Variants in MAP2K5 observed in about 807,000 individuals in gnomAD.
MAP2K5 encodes the protein dual specificity mitogen-activated protein kinase kinase 5.
A neutral mutation model predicts 83.1 loss-of-function variants in MAP2K5; 49 were observed. That is an observed-to-expected ratio of 0.59 (90% CI 0.47 to 0.75). The LOEUF (loss-of-function observed/expected upper bound fraction) is 0.75. Among genes scored for constraint, MAP2K5 ranks in the 30% least tolerant of loss-of-function variants. The pLI is 0.00. For synonymous variants in MAP2K5, 202 were observed against 191.8 expected (o/e 1.05, Z -0.44); for missense variants, 457 against 557.5 (o/e 0.82, Z 1.82).
chr15:67,590,969 T>A (rs1171345806), intron 6 of MAP2K5, among the ~76,000 whole-genome samples: 1 of 151,940 alleles, frequency 6.6e-6, no homozygotes, highest in African/African-American at 2.4e-5. Flanking sequence ...CTCTCCCCTG[T>A]TGGGGGAGGG....
At chr15:67,598,864 C>G (rs1291191380) in intron 7 of MAP2K5, among the ~76,000 whole-genome samples, 4 of 152,136 alleles carry the variant, frequency 2.6e-5, no homozygotes, top group Non-Finnish European at 5.9e-5. Context: ...TGAAATGTCT[C>G]TCGTAGAAAT....
intron 16 of MAP2K5, among the ~76,000 whole-genome samples, chr15:67,710,325 G>A (rs888193409): frequency 4.6e-5 from 7 of 152,156 alleles, no homozygotes; most frequent in East Asian, 1.9e-4. Context: ...TCTAGTCCTC[G>A]GAGACCCCTC....
intron 17 of MAP2K5, among the ~76,000 whole-genome samples, chr15:67,734,077 G>A (rs1596877375): frequency 1.3e-5 from 2 of 152,222 alleles, no homozygotes; most frequent in East Asian, 3.8e-4. Context: ...TTGCTGTGCT[G>A]TGACTGCTGC....
intron 2 of MAP2K5, among the ~76,000 whole-genome samples, chr15:67,557,022 A>G (rs1437516873): frequency 6.6e-6 from 1 of 152,256 alleles, no homozygotes; most frequent in Admixed American, 6.5e-5. Flanking sequence ...TTCCATAACC[A>G]TAAAAAATCC....
rs530400717 is a variant in MAP2K5, at chr15:67,785,433, C to T, written c.1242+12681C>T. 4.6e-5 allele frequency among the ~76,000 whole-genome samples: 7 copies of T among 152,336 alleles called. No homozygotes were observed. The highest frequency in any genetic ancestry group is 1.7e-4 in the African/African-American group (7 of 41,580). ...TTGCAGGCCAGCAGCAAGCAGTTCA[C>T]AGGACGACTACTTGAGTGGCACAGC... On this transcript the variant is annotated intron_variant, in intron 21 of 21. Coordinates refer to ENST00000178640, the MANE Select transcript of MAP2K5 (RefSeq NM_145160.3). The surrounding 1 kb of genome is among the most constrained non-coding windows in gnomAD (Gnocchi z 4.4).
At chr15:67,771,800 A>T (rs542569611) in intron 20 of MAP2K5, among the ~76,000 whole-genome samples, 2 of 152,358 alleles carry the variant, frequency 1.3e-5, no homozygotes, top group South Asian at 4.1e-4. Context: ...TTATAAGAAG[A>T]GTTTTCTTCT....
At chr15:67,680,287 A>C (rs182545187) in intron 13 of MAP2K5, among the ~76,000 whole-genome samples, 1 of 152,326 alleles carries the variant, frequency 6.6e-6, no homozygotes, top group Non-Finnish European at 1.5e-5. Flanking sequence ...CTTTTCATAC[A>C]CAAGTCTTTA....
At chr15:67,583,148 A>C (rs956621320) in intron 4 of MAP2K5, among the ~76,000 whole-genome samples, 3 of 152,226 alleles carry the variant, frequency 2.0e-5, no homozygotes, top group Non-Finnish European at 2.9e-5. Context: ...AGAGAGGTTA[A>C]GTAACTTCAG....
In MAP2K5 at chr15:67,669,945, T is replaced by C. The variant is rs1044883543; in HGVS notation, c.847+5300T>C. On this transcript the variant is annotated intron_variant, in intron 13 of 21. Transcript: ENST00000178640. ...GATTCAGCAATCCCCTTCCTAGATA[T>C]TTACCTAAGAGAAAGGAAAACATAT... 4.6e-5 allele frequency among the ~76,000 whole-genome samples: 7 copies of C among 152,250 alleles called. No homozygotes were observed. In the East Asian group the frequency reaches 1.4e-3, roughly 29 times the overall value.
At chr15:67,713,735 C>CA (rs1436737104) in intron 16 of MAP2K5, among the ~76,000 whole-genome samples, 1,695 of 122,634 alleles carry the variant, frequency 0.014, 29 homozygotes, top group African/African-American at 0.04. Context: ...GACTCCGTCT[C>CA]AAAAAAAAAA....
chr15:67,670,178 G>C (rs1260846716), intron 13 of MAP2K5, among the ~76,000 whole-genome samples: 1 of 152,104 alleles, frequency 6.6e-6, no homozygotes, highest in Non-Finnish European at 1.5e-5. Context: ...AAATGAAGGA[G>C]GTGACTCAAA....
chr15:67,570,030 G>A (rs2084920300), intron 3 of MAP2K5, among the ~76,000 whole-genome samples: 2 of 152,214 alleles, frequency 1.3e-5, no homozygotes, highest in South Asian at 4.1e-4. Flanking sequence ...ACTACCCCAA[G>A]CTAACCAAGG....
intron 16 of MAP2K5, among the ~76,000 whole-genome samples, chr15:67,713,277 A>G (rs1282431257): frequency 2.6e-5 from 4 of 152,218 alleles, no homozygotes; most frequent in African/African-American, 9.6e-5. Context: ...CTTTTGTCTC[A>G]TTGGAATGTA....
At chr15:67,622,555 C>T (rs1334691055) in intron 8 of MAP2K5, among the ~76,000 whole-genome samples, 7 of 151,576 alleles carry the variant, frequency 4.6e-5, no homozygotes, top group Non-Finnish European at 8.8e-5. Flanking sequence ...AAACACTATC[C>T]AGGTGATTAT....
At chr15:67,626,458 C>T (rs915686065) in intron 8 of MAP2K5, among the ~76,000 whole-genome samples, 8 of 151,884 alleles carry the variant, frequency 5.3e-5, no homozygotes, top group Admixed American at 3.3e-4. Context: ...ACCTGGGTTT[C>T]GGAGGATGCA....
At position 67,673,199 on chromosome 15, in the gene MAP2K5, C is replaced by CT. The variant is rs1021705628; in HGVS notation, c.847+8564dup. 6.4e-4 allele frequency among the ~76,000 whole-genome samples: 95 copies of CT among 148,014 alleles called. 1 individual carries two copies. Among genetic ancestry groups the CT allele is most frequent in the Admixed American group, 5.1e-3 (76 of 14,780 alleles). ...AGTAGTTTTTTCCAATTCTGGAACA[C>CT]TTTTTTTTTTAATCTTTTTGTTGTG... On this transcript the variant is annotated intron_variant, in intron 13 of 21. Transcript: ENST00000178640.
chr15:67,799,594 G>A (rs2090665762), intron 21 of MAP2K5, among the ~76,000 whole-genome samples: 1 of 152,256 alleles, frequency 6.6e-6, no homozygotes, highest in Non-Finnish European at 1.5e-5. Context: ...AATCTGGATT[G>A]GAGGATGTAT....
rs2084476763 is a variant in MAP2K5 at position 67,550,063 on chromosome 15, A to G, written c.165A>G (p.Ala55=). 3 of 1,613,692 alleles carry G rather than the reference A, an allele frequency of 1.9e-6. No individual in the cohort carries two copies. The African/African-American group carries it at 4.0e-5, about 22-fold the overall frequency. Residue 55 remains alanine (A), a synonymous_variant, in exon 2 of 22, where the codon GCA becomes GCG. Transcript: ENST00000178640. ...TGATAGGCCAGGTTCTGCCTGAAGC[A>G]ACAACTACAGCATTTGAATGTAAGT... The part of the protein sequence containing the change: ...LDVIGQVLPE[A]TTTAFEYEDE...
chr15:67,669,817 T>G (rs1057213637), intron 13 of MAP2K5, among the ~76,000 whole-genome samples: 2 of 152,136 alleles, frequency 1.3e-5, no homozygotes, highest in Non-Finnish European at 2.9e-5. Context: ...TAATATGAAG[T>G]GCTGACTAGA....
Sources: gnomAD v4.1 joint callset for allele counts (sites outside exome capture counted in the v4.1 genomes callset) on GRCh38, gnomAD v4.1.1 for gene constraint, Gnocchi (gnomAD v3.1) non-coding constraint, MANE v1.5 for transcripts, NCBI Gene and HGNC (gene_info 2026-07-23, HGNC 2026-07-21) for gene names.